The following DPP6 variants were observed in gnomAD, a reference collection of about 807,000 sequenced individuals.
DPP6 encodes the protein A-type potassium channel modulatory protein DPP6.
Under a neutral mutation model 122.6 loss-of-function variants are expected in DPP6, and 69 were observed. That is an observed-to-expected ratio of 0.56 (90% CI 0.46 to 0.69). The LOEUF (loss-of-function observed/expected upper bound fraction) is 0.69, where lower values mean the gene tolerates loss of function less well. Ranked by LOEUF, DPP6 falls within the 30% of genes least tolerant of loss-of-function variation. The pLI is 0.00. For synonymous variants in DPP6, 418 were observed against 433.1 expected (o/e 0.97, Z 0.43); for missense variants, 928 against 1,116.9 (o/e 0.83, Z 2.41).
chr7:153,858,493 C>T, the DPP6 span, among the ~76,000 whole-genome samples: 1 of 152,162 alleles, frequency 6.6e-6, no homozygotes, highest in South Asian at 2.1e-4. Context: ...TTCTCAGATT[C>T]TCAGCCCAGT....
chr7:154,725,422 C>A (rs1019144471), intron 7 of DPP6, among the ~76,000 whole-genome samples: 3 of 152,092 alleles, frequency 2.0e-5, no homozygotes, highest in Non-Finnish European at 4.4e-5. Flanking sequence ...AACTTTTAAT[C>A]ATTGTAGAGG....
the DPP6 span, among the ~76,000 whole-genome samples, chr7:153,859,288 T>G: frequency 6.6e-6 from 1 of 152,164 alleles, no homozygotes; most frequent in South Asian, 2.1e-4. Flanking sequence ...GGATACGGGC[T>G]TGGCTGAGCG....
chr7:153,967,129 A>G (rs1795787177), intron 1 of DPP6, among the ~76,000 whole-genome samples: 1 of 152,062 alleles, frequency 6.6e-6, no homozygotes, highest in Non-Finnish European at 1.5e-5. Flanking sequence ...CAGATGCTAA[A>G]GAGATCCAGT....
At chr7:154,073,568 A>G (rs1208150339) in intron 1 of DPP6, among the ~76,000 whole-genome samples, 1 of 152,230 alleles carries the variant, frequency 6.6e-6, no homozygotes, top group Non-Finnish European at 1.5e-5. Context: ...ACCTTTACAC[A>G]AGATAGGGTC....
intron 12 of DPP6, among the ~76,000 whole-genome samples, chr7:154,800,483 G>A (rs1023364364): frequency 1.3e-5 from 2 of 152,210 alleles, no homozygotes; most frequent in Admixed American, 6.5e-5. Flanking sequence ...CCAAGGTACC[G>A]CGGTAGCAAA....
chr7:154,213,580 G>T (rs892116342), intron 1 of DPP6, among the ~76,000 whole-genome samples: 3 of 152,310 alleles, frequency 2.0e-5, no homozygotes, highest in Middle Eastern at 3.4e-3. Context: ...CGCACACAGA[G>T]CTGGGAGGCC....
At chr7:154,248,051 TC>T (rs1421372274) in intron 1 of DPP6, among the ~76,000 whole-genome samples, 1 of 152,140 alleles carries the variant, frequency 6.6e-6, no homozygotes, top group African/African-American at 2.4e-5. Context: ...ATGAGGGCCC[TC>T]TACCAGGTTG....
At chr7:154,658,347 A>T (rs1837403394) in intron 6 of DPP6, among the ~76,000 whole-genome samples, 1 of 152,250 alleles carries the variant, frequency 6.6e-6, no homozygotes, top group Non-Finnish European at 1.5e-5. Flanking sequence ...CTCTAAAAAT[A>T]TAAAGCTTAT....
chr7:154,805,010 GC>G, intron 15 of DPP6, 46 bp downstream of exon 15: 1 of 1,562,352 alleles, frequency 6.4e-7, no homozygotes, highest in South Asian at 1.2e-5. Context: ...CCTTAGGAGG[GC>G]ATCCAGGCTT....
the DPP6 span, among the ~76,000 whole-genome samples, chr7:153,862,199 A>G: frequency 6.6e-6 from 1 of 152,230 alleles, no homozygotes; most frequent in Non-Finnish European, 1.5e-5. Flanking sequence ...GTTGTAACAA[A>G]TACAGCTGGA....
chr7:154,637,764 A>T, intron 5 of DPP6, 57 bp from the exon 6 acceptor site: 1 of 1,511,994 alleles, frequency 6.6e-7, no homozygotes, highest in African/African-American at 1.4e-5. Context: ...TTTGAAAAAT[A>T]TCATCGTAAC....
chr7:154,419,129 C>G (rs959674412), intron 1 of DPP6, among the ~76,000 whole-genome samples: 6 of 152,232 alleles, frequency 3.9e-5, no homozygotes, highest in Non-Finnish European at 7.3e-5. Flanking sequence ...ATGGCTTCAT[C>G]CACAGGCTTT....
intron 3 of DPP6, among the ~76,000 whole-genome samples, chr7:154,524,650 C>G (rs1827258897): frequency 6.6e-6 from 1 of 152,092 alleles, no homozygotes; most frequent in South Asian, 2.1e-4. Context: ...TAGCAGAACC[C>G]AAGAGAAAGC....
At chr7:154,591,881 G>A (rs570685280) in intron 5 of DPP6, among the ~76,000 whole-genome samples, 60 of 152,360 alleles carry the variant, frequency 3.9e-4, no homozygotes, top group African/African-American at 1.4e-3. Context: ...TGTGTTCAGG[G>A]TCACAGAGCG....
At chr7:154,022,026 G>A (rs1208528986) in intron 1 of DPP6, among the ~76,000 whole-genome samples, 1 of 152,050 alleles carries the variant, frequency 6.6e-6, no homozygotes, top group Non-Finnish European at 1.5e-5. Context: ...CTAAGGGGAG[G>A]AGAATTCAAC....
intron 2 of DPP6, among the ~76,000 whole-genome samples, chr7:154,472,126 G>A (rs1199376205): frequency 6.6e-6 from 1 of 152,222 alleles, no homozygotes; most frequent in Non-Finnish European, 1.5e-5. Context: ...CATATTGTAT[G>A]AGATAATTAC....
intron 1 of DPP6, among the ~76,000 whole-genome samples, chr7:154,318,266 G>A (rs1398980855): frequency 6.6e-6 from 1 of 152,220 alleles, no homozygotes; most frequent in Non-Finnish European, 1.5e-5. Flanking sequence ...GTATATGAGA[G>A]TTGTTAATGA....
rs1251165763 is a variant in DPP6 at position 154,600,678 on chromosome 7, C to T, written c.627+33762C>T. 4.1e-5 allele frequency among the ~76,000 whole-genome samples: 5 copies of T among 121,596 alleles called. 1 individual carries two copies. The highest frequency in any genetic ancestry group is 1.3e-4 in the African/African-American group (5 of 38,192). 79.8% of individuals were successfully genotyped at this position (121,596 alleles called of 152,430 possible). A position where few individuals can be genotyped will look rare whatever the true frequency, so the allele number is the denominator to read the frequency against. The stretch of plus-strand genomic sequence containing the variant: ...GGAATTTGGGAAGCCAAGTTGGAAA[C>T]TCAGATCTACTAATTTTCAAAGCTT... On this transcript the variant is annotated intron_variant, in intron 5 of 25. Coordinates refer to ENST00000377770, the MANE Select transcript of DPP6 (RefSeq NM_130797.4).
chr7:154,347,726 G>T (rs1810515274), intron 1 of DPP6, among the ~76,000 whole-genome samples: 1 of 152,212 alleles, frequency 6.6e-6, no homozygotes. Context: ...ATGGTAGCAG[G>T]TGTTTGTAGA....
Sources: gnomAD v4.1 joint callset for allele counts (sites outside exome capture counted in the v4.1 genomes callset) on GRCh38, gnomAD v4.1.1 for gene constraint, MANE v1.5 for transcripts, NCBI Gene and HGNC (gene_info 2026-07-23, HGNC 2026-07-21) for gene names.